ARHGAP27: variants seen among roughly 807,000 people sequenced by gnomAD.
ARHGAP27 encodes rho GTPase-activating protein 27.
In ARHGAP27, 53 loss-of-function variants were observed where a neutral mutation model predicts 102.0. The ratio of observed to expected loss-of-function variants is 0.52; its 90% CI spans 0.42 to 0.65. The LOEUF is 0.65. Ranked by LOEUF, ARHGAP27 falls within the 30% of genes least tolerant of loss-of-function variation. The pLI, the probability that ARHGAP27 is intolerant of heterozygous loss-of-function variation, is 0.00. For missense variants in ARHGAP27, 1,117 were observed against 1,256.2 expected, an observed-to-expected ratio of 0.89 and a Z score of 1.68; for synonymous variants, 525 against 542.8, an observed-to-expected ratio of 0.97 and a Z score of 0.46.
rs974209180 is a variant in ARHGAP27, at chr17:45,404,927, C to G, written c.1245G>C (p.Glu415Asp). 29 of 1,613,956 alleles carry G rather than the reference C, an allele frequency of 1.8e-5. No homozygotes were observed. In the Admixed American group the frequency reaches 3.7e-4, roughly 20 times the overall value. The change falls in exon 6 of 20, where the codon GAG (glutamate) becomes GAC (aspartate). Residue 415 changes from glutamate to aspartate, a missense_variant. Glu to Asp is a conservative substitution (Grantham distance 45). Coordinates refer to ENST00000685559, the MANE Select transcript of ARHGAP27 (RefSeq NM_001282290.2). ...QMLYTNHFTQ[E>D]QWVRLEDPHG... ...TCCATCTGCCCCCTGCCCCTACCTG[C>G]TCCTGAGTGAAGTGGTTGGTGTAGA...
intron 4 of ARHGAP27, among the ~76,000 whole-genome samples, chr17:45,406,600 G>T (rs1290307004): frequency 6.6e-6 from 1 of 152,242 alleles, no homozygotes; most frequent in Non-Finnish European, 1.5e-5. Flanking sequence ...GGTTGGGCAG[G>T]AACTGAGAAG....
At chr17:45,420,612 T>C (rs1230079) in intron 4 of ARHGAP27, among the ~76,000 whole-genome samples, 105,601 of 151,902 alleles carry the variant, frequency 0.7, 36,909 homozygotes, top group African/African-American at 0.73. Flanking sequence ...GCAATTACAA[T>C]TTGAATACAA....
chr17:45,423,887 C>T (rs1036551060), intron 4 of ARHGAP27, among the ~76,000 whole-genome samples: 5 of 152,216 alleles, frequency 3.3e-5, no homozygotes, highest in Non-Finnish European at 5.9e-5. Flanking sequence ...CACAGTCATT[C>T]GATTGAGATT....
intron 9 of ARHGAP27, 35 bp from the exon 10 acceptor site, chr17:45,404,131 T>C: frequency 6.2e-7 from 1 of 1,613,062 alleles, no homozygotes; most frequent in Non-Finnish European, 8.5e-7. Context: ...CGCAAGAGTG[T>C]GTAGTTAAGG....
Position 45,428,491 on chromosome 17 carries a change from C to T in ARHGAP27, c.657+1132G>A, listed in dbSNP as rs548304294. On this transcript the variant is annotated intron_variant, in intron 4 of 19. Coordinates refer to ENST00000685559, the MANE Select transcript of ARHGAP27 (RefSeq NM_001282290.2). ...CAGGTGACCCAGCAGAATCCAGTTCCCCTTTCCCTAGTCTCAAAACCTGAG... is the reference window on the plus strand; with the variant it reads ...CAGGTGACCCAGCAGAATCCAGTTCTCCTTTCCCTAGTCTCAAAACCTGAG... 7.9e-4 allele frequency among the ~76,000 whole-genome samples: 120 copies of T among 152,356 alleles called. 1 individual carries two copies. The highest frequency in any genetic ancestry group is 2.7e-3 in the African/African-American group (114 of 41,580).
At chr17:45,414,014 G>C (rs986229123) in intron 4 of ARHGAP27, among the ~76,000 whole-genome samples, 1 of 151,878 alleles carries the variant, frequency 6.6e-6, no homozygotes, top group Non-Finnish European at 1.5e-5. Context: ...GCTGAGGCAA[G>C]AGAATTGCCT....
chr17:45,397,069 C>T (rs778703901), intron 13 of ARHGAP27, 45 bp from the exon 14 acceptor site: 6 of 1,595,432 alleles, frequency 3.8e-6, no homozygotes, highest in East Asian at 2.2e-5. Flanking sequence ...GAGCCAGCTG[C>T]GGGTCCTTCC....
Position 45,398,038 on chromosome 17 carries a change from G to A in ARHGAP27, c.1753C>T (p.Arg585Ter). ...TGGATCAGGTACTCAGAGCCATCTC[G>A]GCTCCGTAGCTGGAGGGACACAAGT... ...SRKNVLELRS[R>*]DGSEYLIQHD... is the part of the protein sequence containing the mutation. The change falls in exon 13 of 20, where the codon CGA (arginine) becomes TGA (stop). Residue 585 changes from arginine to a stop codon, truncating the protein, a stop_gained. Coordinates refer to ENST00000685559, the MANE Select transcript of ARHGAP27 (RefSeq NM_001282290.2). LOFTEE classifies it high-confidence loss of function. 2.5e-6 allele frequency: 4 copies of A among 1,602,666 alleles called. No individual in the cohort carries two copies. Among genetic ancestry groups the A allele is most frequent in the Non-Finnish European group, 3.4e-6 (4 of 1,171,362 alleles).
intron 4 of ARHGAP27, chr17:45,410,208 C>G (rs35327136): frequency 6.5e-6 from 10 of 1,532,956 alleles, no homozygotes; most frequent in Non-Finnish European, 7.9e-6. Flanking sequence ...CCACCGGGCA[C>G]CCCTTGACCC....
intron 4 of ARHGAP27, among the ~76,000 whole-genome samples, chr17:45,426,025 G>A (rs1277182147): frequency 1.3e-5 from 2 of 152,188 alleles, no homozygotes; most frequent in African/African-American, 2.4e-5. Context: ...ACAGGGCTGG[G>A]CACGCAGGAC....
chr17:45,409,509 A>G (rs1567713226), intron 4 of ARHGAP27: 1 of 152,358 alleles, frequency 6.6e-6, no homozygotes, highest in Non-Finnish European at 1.5e-5. Context: ...TGCCAGAGAC[A>G]CAGGCTGCTT....
At position 45,403,611 on chromosome 17, in the gene ARHGAP27, G is replaced by C; in HGVS notation, c.1638+8C>G. On this transcript the variant is annotated splice_region_variant and intron_variant, in intron 11 of 19. Coordinates refer to ENST00000685559, the MANE Select transcript of ARHGAP27 (RefSeq NM_001282290.2). ...GGGATGGTCCCTGCCCTGAGGGCCT[G>C]GCCTTACCAGGCCGCCTGCAGCCGA... 6.2e-7 allele frequency: 1 copy of C among 1,611,172 alleles called. No homozygotes were observed. Among genetic ancestry groups the C allele is most frequent in the Non-Finnish European group, 8.5e-7 (1 of 1,178,244 alleles).
rs1012145397 is a variant in ARHGAP27, at chr17:45,430,019, G to A, written c.261C>T (p.Ala87=). 1 of 1,215,052 alleles carries A rather than the reference G, an allele frequency of 8.2e-7. No individual in the cohort carries two copies. The highest frequency in any genetic ancestry group is 4.6e-5 in the Admixed American group (1 of 21,508). 75.3% of individuals were successfully genotyped at this position (1,215,052 alleles called of 1,614,324 possible). A position where few individuals can be genotyped will look rare whatever the true frequency, so the allele number is the denominator to read the frequency against. Residue 87 remains alanine, a synonymous_variant, in exon 4 of 20, where the codon GCC becomes GCT. Coordinates refer to ENST00000685559, the MANE Select transcript of ARHGAP27 (RefSeq NM_001282290.2). This position sits in a 1 kb window ranked among gnomAD's most constrained non-coding sequence, Gnocchi z 4.4. ...APPGPHPSPA[A]PEPLAYDYRF... ...GGTAGTCGTAGGCGAGCGGCTCAGGGGCCGCGGGGCTCGGGTGGGGACCTG... is the reference window on the plus strand; with the variant it reads ...GGTAGTCGTAGGCGAGCGGCTCAGGAGCCGCGGGGCTCGGGTGGGGACCTG...
chr17:45,402,367 G>A lies in ARHGAP27; in HGVS notation c.1743+347C>T, dbSNP rs184952491. On this transcript the variant is annotated intron_variant, in intron 12 of 19. Transcript: ENST00000685559. Reference sequence around the variant, plus strand: ...TTATTATTAACTCAGCTCCTGGAGAGGGAACTGCAGAATATGTGATGTTAG... The same window carrying A: ...TTATTATTAACTCAGCTCCTGGAGAAGGAACTGCAGAATATGTGATGTTAG... Among the ~76,000 whole-genome samples, 1,500 of 152,308 alleles carry A rather than the reference G, an allele frequency of 9.8e-3. 8 individuals carry two copies. The highest frequency in any genetic ancestry group is 0.013 in the Non-Finnish European group (856 of 68,016).
At position 45,396,037 on chromosome 17, in the gene ARHGAP27, G is replaced by C; in HGVS notation, c.2332C>G (p.Leu778Val). 6.2e-7 allele frequency: 1 copy of C among 1,613,872 alleles called. No homozygotes were observed. Among genetic ancestry groups the C allele is most frequent in the South Asian group, 1.1e-5 (1 of 91,076 alleles). ...GAGAAGGGGAAGAGGGGCTCGGGCA[G>C]CTCCCGAAAGAAGAGCTTCAGGGCT... ...TGALKLFFRE[L>V]PEPLFPFSHF... Residue 778 changes from leucine to valine, a missense_variant, in exon 18 of 20, where the codon CTG (leucine) becomes GTG (valine). Physicochemically the swap from Leu to Val is conservative, Grantham distance 32 (BLOSUM62 1). Coordinates refer to ENST00000685559, the MANE Select transcript of ARHGAP27 (RefSeq NM_001282290.2).
intron 11 of ARHGAP27, among the ~76,000 whole-genome samples, chr17:45,403,073 G>A (rs752569584): frequency 6.6e-6 from 1 of 152,338 alleles, no homozygotes; most frequent in East Asian, 1.9e-4. Context: ...GCAAGCAGGT[G>A]TGCCCACCCC....
At position 45,416,032 on chromosome 17, in the gene ARHGAP27, G is replaced by T. The variant is rs1168855635; in HGVS notation, c.658-9949C>A. Reference sequence around the variant, plus strand: ...TTCAGAGATGCATGCTGAAGTTTTTGTTTTTTTTTTTTGTTTGTTTTTTGT... The same window carrying T: ...TTCAGAGATGCATGCTGAAGTTTTTTTTTTTTTTTTTTGTTTGTTTTTTGT... On this transcript the variant is annotated intron_variant, in intron 4 of 19. Coordinates refer to ENST00000685559, the MANE Select transcript of ARHGAP27 (RefSeq NM_001282290.2). 7.6e-4 allele frequency among the ~76,000 whole-genome samples: 109 copies of T among 143,354 alleles called. 2 individuals are homozygous for T. The highest frequency in any genetic ancestry group is 4.0e-3 in the Admixed American group (58 of 14,400). 94.0% of individuals were successfully genotyped at this position (143,354 alleles called of 152,430 possible). A position where few individuals can be genotyped will look rare whatever the true frequency, so the allele number is the denominator to read the frequency against.
At chr17:45,403,778 C>T (rs1000187656) in intron 10 of ARHGAP27, 69 bp from the exon 11 acceptor site, 24 of 1,364,868 alleles carry the variant, frequency 1.8e-5, no homozygotes, top group Non-Finnish European at 2.3e-5. Context: ...CCCCTCCTAC[C>T]CCAGGAACAA....
Position 45,405,106 on chromosome 17 carries a change from G to C in ARHGAP27, c.1066C>G (p.Pro356Ala). 1 of 1,571,544 alleles carries C rather than the reference G, an allele frequency of 6.4e-7. No homozygotes were observed. The highest frequency in any genetic ancestry group is 8.6e-7 in the Non-Finnish European group (1 of 1,157,142). ...LSPGSPGDPRPPTPETDYPES... is the reference protein window; with the variant it reads ...LSPGSPGDPRAPTPETDYPES... ...GGGTAGTCCGTCTCGGGAGTGGGGG[G>C]CTGCGGGGAACAGAAGGTGGAGTCA... Residue 356 changes from proline to alanine, a missense_variant and splice_region_variant, in exon 6 of 20, where the codon CCC (proline) becomes GCC (alanine). Pro to Ala is a conservative substitution (Grantham distance 27). Transcript: ENST00000685559.
Sources: allele counts gnomAD v4.1 joint callset (sites outside exome capture counted in the v4.1 genomes callset), GRCh38; gene constraint gnomAD v4.1.1; non-coding constraint Gnocchi (gnomAD v3.1); transcripts MANE v1.5; gene names NCBI Gene and HGNC (gene_info 2026-07-23, HGNC 2026-07-21).